The following NDUFA5 variants were observed in gnomAD, a reference collection of about 807,000 sequenced individuals.
NDUFA5 encodes the protein NADH dehydrogenase [ubiquinone] 1 alpha subcomplex subunit 5.
NDUFA5 carries 11 observed loss-of-function variants against 19.8 expected under a neutral mutation model. The ratio of observed to expected loss-of-function variants is 0.56; its 90% CI spans 0.35 to 0.92. The LOEUF (loss-of-function observed/expected upper bound fraction) is 0.92, where lower values mean the gene tolerates loss of function less well. NDUFA5 is among the 40% of genes least tolerant of loss of function. The pLI is 0.01. For missense variants in NDUFA5, 109 were observed against 134.2 expected, an observed-to-expected ratio of 0.81 and a Z score of 0.93; for synonymous variants, 47 against 46.8, an observed-to-expected ratio of 1.00 and a Z score of -0.01.
chr7:123,554,651 T>C (rs958614606), intron 2 of NDUFA5: 1 of 152,226 alleles, frequency 6.6e-6, no homozygotes, highest in African/African-American at 2.4e-5. Flanking sequence ...TATATTGTTA[T>C]AATTGTTCTA....
At chr7:123,552,636 T>TAAAAAAAAAA (rs774901648) in intron 2 of NDUFA5, among the ~76,000 whole-genome samples, 23 of 67,344 alleles carry the variant, frequency 3.4e-4, no homozygotes, top group South Asian at 1.1e-3. Context: ...AAAGTATAAC[T>TAAAAAAAAAA]AAAAAAAAAA....
upstream of NDUFA5, chr7:123,557,867 G>A (rs1798625560): frequency 3.1e-6 from 5 of 1,612,940 alleles, no homozygotes; most frequent in Non-Finnish European, 4.2e-6. Context: ...CGACCACCGA[G>A]GTCGCCACTC....
chr7:123,552,598 C>T lies in NDUFA5; in HGVS notation c.67-2012G>A, dbSNP rs201610601. ...CGTGTATACCTATGTAACAAACCTG[C>T]ACGTTCTGCACATGTACCCCAGAAC... On this transcript the variant is annotated intron_variant, in intron 2 of 4. Coordinates refer to ENST00000355749, the MANE Select transcript of NDUFA5 (RefSeq NM_005000.5). 1.8e-4 allele frequency among the ~76,000 whole-genome samples: 24 copies of T among 134,762 alleles called. No individual in the cohort carries two copies. The East Asian group carries it at 5.4e-3, about 30-fold the overall frequency. The allele number at this position is 134,762 out of a possible 152,430, so 88.4% of individuals were successfully genotyped here.
chr7:123,555,466 T>A (rs1368871051), intron 2 of NDUFA5: 2 of 152,140 alleles, frequency 1.3e-5, no homozygotes, highest in Non-Finnish European at 2.9e-5. Flanking sequence ...ATCATTGGAA[T>A]GAATATGAGA....
At chr7:123,594,188 T>C in the NDUFA5 span, among the ~76,000 whole-genome samples, 2 of 152,276 alleles carry the variant, frequency 1.3e-5, no homozygotes, top group African/African-American at 4.8e-5. Context: ...TCTAACCTTT[T>C]TTCAAGGTTT....
the NDUFA5 span, among the ~76,000 whole-genome samples, chr7:123,597,742 A>T: frequency 3.9e-5 from 6 of 152,128 alleles, no homozygotes; most frequent in African/African-American, 1.4e-4. Flanking sequence ...GAGGCAGGAG[A>T]ATTGCTTGTA....
chr7:123,564,934 TACAC>T, the NDUFA5 span, among the ~76,000 whole-genome samples: 2 of 145,170 alleles, frequency 1.4e-5, no homozygotes, highest in African/African-American at 5.3e-5. Context: ...TATATACACA[TACAC>T]ACACAAGTAC....
the NDUFA5 span, among the ~76,000 whole-genome samples, chr7:123,571,767 G>A: frequency 6.6e-6 from 1 of 152,156 alleles, no homozygotes; most frequent in African/African-American, 2.4e-5. Flanking sequence ...GAAAGAAGTT[G>A]ATAATATAGT....
the NDUFA5 span, among the ~76,000 whole-genome samples, chr7:123,597,758 G>A: frequency 1.3e-5 from 2 of 152,154 alleles, no homozygotes; most frequent in Non-Finnish European, 2.9e-5. Context: ...TTGTACACAG[G>A]AGGCAGAGGT....
chr7:123,544,670 C>A (rs1525631), intron 4 of NDUFA5, among the ~76,000 whole-genome samples: 150,967 of 150,982 alleles, frequency 1, 75,476 homozygotes, highest in Non-Finnish European at 1. Flanking sequence ...ACTAAATGAC[C>A]CAGTAAAAAT....
rs374307761 is a variant in NDUFA5 at position 123,541,456 on chromosome 7, C to G, written c.*663G>C. ...CAATGTATTCTAATTTGAAGGTTTT[C>G]AAATATAATACAGTAACAACAAAAT... On this transcript the variant is annotated 3_prime_UTR_variant, in exon 5 of 5. Coordinates refer to ENST00000355749, the MANE Select transcript of NDUFA5 (RefSeq NM_005000.5). The G allele has an allele frequency of 2.6e-5, 4 of 152,164 alleles. No individual in the cohort carries two copies. The East Asian group carries it at 5.8e-4, about 22-fold the overall frequency. The allele number at this position is 152,164 out of a possible 1,614,324, so 9.4% of individuals were successfully genotyped here. A position where few individuals can be genotyped will look rare whatever the true frequency, so the allele number is the denominator to read the frequency against.
rs977398655 is a variant in NDUFA5 at position 123,551,716 on chromosome 7, T to C, written c.67-1130A>G. On this transcript the variant is annotated intron_variant, in intron 2 of 4. Transcript: ENST00000355749. The stretch of plus-strand genomic sequence containing the variant: ...TGCATAAAAGGCTCAACCGAAAAAG[T>C]AGCAAGAGAATTGAGTCAATGCATA... 4 of 164,976 alleles carry C rather than the reference T, an allele frequency of 2.4e-5. No homozygotes were observed. In the Admixed American group the frequency reaches 2.6e-4, roughly 11 times the overall value. The allele number at this position is 164,976 out of a possible 1,614,324, so 10.2% of individuals were successfully genotyped here. A position where few individuals can be genotyped will look rare whatever the true frequency, so the allele number is the denominator to read the frequency against.
chr7:123,572,142 T>TC, the NDUFA5 span, among the ~76,000 whole-genome samples: 1 of 127,292 alleles, frequency 7.9e-6, no homozygotes, highest in African/African-American at 3.1e-5. Flanking sequence ...TTTTTTTTTT[T>TC]TTTTTTTTTT....
the NDUFA5 span, among the ~76,000 whole-genome samples, chr7:123,599,768 T>C: frequency 6.6e-6 from 1 of 152,234 alleles, no homozygotes; most frequent in African/African-American, 2.4e-5. Context: ...TCTTGCTATA[T>C]ATAGATAGAA....
chr7:123,569,976 A>G, the NDUFA5 span, among the ~76,000 whole-genome samples: 38 of 149,220 alleles, frequency 2.5e-4, no homozygotes, highest in African/African-American at 8.8e-4. Flanking sequence ...CTGCACTATG[A>G]TGGGATATAA....
At chr7:123,565,968 G>A in the NDUFA5 span, among the ~76,000 whole-genome samples, 269 of 151,134 alleles carry the variant, frequency 1.8e-3, 1 homozygote, top group African/African-American at 4.5e-3. Flanking sequence ...GCAGTGAGCC[G>A]AGATCATGCC....
intron 2 of NDUFA5, among the ~76,000 whole-genome samples, chr7:123,552,250 T>C (rs755928169): frequency 5.3e-5 from 8 of 151,188 alleles, no homozygotes; most frequent in Non-Finnish European, 7.4e-5. Context: ...AAATGCCCAG[T>C]GATAGACTGG....
chr7:123,556,997 G>A (rs1376636113), intron 2 of NDUFA5: 2 of 462,352 alleles, frequency 4.3e-6, no homozygotes, highest in South Asian at 1.6e-5. Flanking sequence ...CGTGAATACA[G>A]ATGGAAAAGA....
chr7:123,561,716 G>C (rs775938071), upstream of NDUFA5, among the ~76,000 whole-genome samples: 37 of 152,062 alleles, frequency 2.4e-4, no homozygotes, highest in Non-Finnish European at 4.3e-4. Flanking sequence ...TCCTGCCTCA[G>C]CCTCCCGAGT....
Sources: allele counts gnomAD v4.1 joint callset (sites outside exome capture counted in the v4.1 genomes callset), GRCh38; gene constraint gnomAD v4.1.1; transcripts MANE v1.5; gene names NCBI Gene and HGNC (gene_info 2026-07-23, HGNC 2026-07-21).